The following MID1 variants were observed in gnomAD, a reference collection of about 807,000 sequenced individuals.
MID1 encodes the protein E3 ubiquitin-protein ligase Midline-1.
MID1 carries 7 observed loss-of-function variants against 40.4 expected under a neutral mutation model. That is an observed-to-expected ratio of 0.17 (90% CI 0.10 to 0.33). The LOEUF is 0.33. Among genes scored for constraint, MID1 ranks in the 10% least tolerant of loss-of-function variants. The probability of loss-of-function intolerance (pLI) is 1.00; values close to 1 mark genes in which losing one functional copy is unlikely to be tolerated. For synonymous variants in MID1, 229 were observed against 221.2 expected (o/e 1.04, Z -0.31); for missense variants, 367 against 558.5 (o/e 0.66, Z 3.46).
At chrX:10,662,621 T>C (rs2520197) in intron 1 of MID1, among the ~76,000 whole-genome samples, 7,752 of 111,331 alleles carry the variant, frequency 0.07, 281 homozygotes, top group African/African-American at 0.13. Context: ...AATATTAACA[T>C]ATTCAATATA....
chrX:10,465,208 TATATATACACACACACAC>T (rs1247570915), intron 7 of MID1, among the ~76,000 whole-genome samples: 1 of 65,135 alleles, frequency 1.5e-5, no homozygotes, highest in Non-Finnish European at 2.7e-5. Flanking sequence ...TATATATATA[TATATATACACACACACAC>T]ACACACACAC....
chrX:10,707,766 T>C (rs1255102314), intron 1 of MID1, among the ~76,000 whole-genome samples: 2 of 112,289 alleles, frequency 1.8e-5, no homozygotes, highest in Non-Finnish European at 3.8e-5. Flanking sequence ...AGAATGTGCT[T>C]TGCGGCCCAG....
chrX:10,608,212 G>A (rs763772460), intron 1 of MID1, among the ~76,000 whole-genome samples: 1 of 112,261 alleles, frequency 8.9e-6, no homozygotes, highest in South Asian at 3.7e-4. Context: ...TTACAAAACT[G>A]AATGTGTACT....
intron 3 of MID1, among the ~76,000 whole-genome samples, chrX:10,506,827 G>A (rs1209599173): frequency 9.8e-5 from 11 of 112,045 alleles, no homozygotes; most frequent in Non-Finnish European, 5.6e-5. Flanking sequence ...AGTGCTTTCT[G>A]TACTGGCCTT....
chrX:10,738,983 A>G (rs1254756863), intron 1 of MID1, among the ~76,000 whole-genome samples: 2 of 111,060 alleles, frequency 1.8e-5, no homozygotes, highest in African/African-American at 6.5e-5. Context: ...AAAGAAAGAA[A>G]AAACCCTAAA....
At chrX:10,603,613 C>A (rs1318546034) in intron 1 of MID1, among the ~76,000 whole-genome samples, 1 of 111,615 alleles carries the variant, frequency 9.0e-6, no homozygotes, top group Non-Finnish European at 1.9e-5. Context: ...AAAAATGCCC[C>A]CAGAAGGCCA....
intron 2 of MID1, among the ~76,000 whole-genome samples, chrX:10,561,808 G>A (rs1266217199): frequency 9.3e-6 from 1 of 107,251 alleles, no homozygotes; most frequent in African/African-American, 3.7e-5. Context: ...GGAAGACAGT[G>A]TGGCAATTCC....
chrX:10,661,591 G>T (rs1266749838), intron 1 of MID1, among the ~76,000 whole-genome samples: 1 of 110,668 alleles, frequency 9.0e-6, no homozygotes, highest in Non-Finnish European at 1.9e-5. Context: ...GGGATTACAG[G>T]CATGAGCCAC....
intron 1 of MID1, among the ~76,000 whole-genome samples, chrX:10,626,519 T>A (rs1293366966): frequency 9.1e-6 from 1 of 110,047 alleles, no homozygotes; most frequent in Non-Finnish European, 1.9e-5. Flanking sequence ...TATGAAATTT[T>A]AATAGAAGCT....
chrX:10,818,390 G>C lies in MID1; in HGVS notation c.-187+15164C>G, dbSNP rs1028376447. 3.6e-5 allele frequency among the ~76,000 whole-genome samples: 4 copies of C among 112,667 alleles called. No individual in the cohort carries two copies. In the Admixed American group the frequency reaches 3.7e-4, roughly 11 times the overall value. ...CAGAATGATTCTTTGAAGGCATAAA[G>C]CTGTCAATTATGAATTAAATGGACA... On this transcript the variant is annotated intron_variant, in intron 1 of 10. Coordinates refer to the MID1 transcript ENST00000380785.
intron 1 of MID1, among the ~76,000 whole-genome samples, chrX:10,773,759 A>C (rs769433731): frequency 2.7e-5 from 3 of 112,431 alleles, no homozygotes; most frequent in Non-Finnish European, 5.6e-5. Flanking sequence ...TGCAAAAATA[A>C]GTAAAAAAGA....
intron 6 of MID1, among the ~76,000 whole-genome samples, chrX:10,470,172 C>T (rs1929621500): frequency 1.8e-5 from 2 of 112,144 alleles, no homozygotes; most frequent in Admixed American, 9.4e-5. Flanking sequence ...TTCATAGCTG[C>T]ATTCACTTTG....
intron 4 of MID1, among the ~76,000 whole-genome samples, chrX:10,493,613 T>C (rs1422875641): frequency 8.9e-6 from 1 of 111,964 alleles, no homozygotes; most frequent in African/African-American, 3.2e-5. Context: ...TTGAGATCTA[T>C]TGCATGGCAT....
At chrX:10,506,358 C>T (rs1417006065) in intron 3 of MID1, 21 of 1,098,361 alleles carry the variant, frequency 1.9e-5, no homozygotes, top group Non-Finnish European at 2.4e-5. Flanking sequence ...CAGAAAACAC[C>T]AGTACTGGGT....
At position 10,453,279 on chromosome X, in the gene MID1, A is replaced by G. The variant is rs768448091; in HGVS notation, c.1655+1591T>C. 7.1e-5 allele frequency among the ~76,000 whole-genome samples: 8 copies of G among 112,179 alleles called. No individual in the cohort carries two copies. The South Asian group carries it at 3.0e-3, about 42-fold the overall frequency. ...TTAGATTTTTGGCTAATTTCTACCTACAATATAAAGGACTCAGCCATGTCA... is the reference window on the plus strand; with the variant it reads ...TTAGATTTTTGGCTAATTTCTACCTGCAATATAAAGGACTCAGCCATGTCA... On this transcript the variant is annotated intron_variant, in intron 9 of 9. Coordinates refer to ENST00000317552, the MANE Select transcript of MID1 (RefSeq NM_000381.4).
At chrX:10,583,114 T>C (rs1473011420) in intron 1 of MID1, among the ~76,000 whole-genome samples, 1 of 111,772 alleles carries the variant, frequency 8.9e-6, no homozygotes. Context: ...TGGTATTTTT[T>C]GAGGTCATTC....
chrX:10,475,150 C>A, intron 5 of MID1: 2 of 333,788 alleles, frequency 6.0e-6, no homozygotes, highest in South Asian at 5.2e-5. Flanking sequence ...TCCTTTCAGA[C>A]GCAACCCTGA....
At chrX:10,593,718 C>T (rs964303185) in intron 1 of MID1, among the ~76,000 whole-genome samples, 1 of 106,597 alleles carries the variant, frequency 9.4e-6, no homozygotes, top group Non-Finnish European at 1.9e-5. Context: ...TGAATACCCA[C>T]ACACTCTCAC....
At chrX:10,468,110 T>C (rs1929489828) in intron 7 of MID1, among the ~76,000 whole-genome samples, 1 of 112,308 alleles carries the variant, frequency 8.9e-6, no homozygotes, top group South Asian at 3.7e-4. Flanking sequence ...CCAGAGCTGT[T>C]CTTGACATTG....
Sources: allele counts gnomAD v4.1 joint callset (sites outside exome capture counted in the v4.1 genomes callset), GRCh38; gene constraint gnomAD v4.1.1; transcripts MANE v1.5; gene names NCBI Gene and HGNC (gene_info 2026-07-23, HGNC 2026-07-21).